Variants in CABIN1 observed in about 807,000 individuals in gnomAD.
CABIN1 encodes calcineurin-binding protein cabin-1.
In CABIN1, 133 loss-of-function variants were observed where a neutral mutation model predicts 227.7. The observed-to-expected ratio is 0.58, with a 90% CI of 0.51 to 0.67. The LOEUF is 0.67. CABIN1 is among the 30% of genes least tolerant of loss of function. The probability of loss-of-function intolerance (pLI) is 0.00; values close to 1 mark genes in which losing one functional copy is unlikely to be tolerated. For missense variants in CABIN1, 2,408 were observed against 2,852.5 expected, an observed-to-expected ratio of 0.84 and a Z score of 3.55; for synonymous variants, 1,086 against 1,155.1, an observed-to-expected ratio of 0.94 and a Z score of 1.21.
At chr22:24,068,059 G>A (rs2039819459) in intron 16 of CABIN1, among the ~76,000 whole-genome samples, 1 of 152,168 alleles carries the variant, frequency 6.6e-6, no homozygotes, top group South Asian at 2.1e-4. Flanking sequence ...CTTCTCCCAG[G>A]CTTTTTGCAC....
At chr22:24,132,062 CAAA>C (rs34365542) in intron 28 of CABIN1, among the ~76,000 whole-genome samples, 6 of 114,754 alleles carry the variant, frequency 5.2e-5, no homozygotes, top group Admixed American at 9.0e-5. Flanking sequence ...ACTCTGTCTC[CAAA>C]AAAAAAAAAA....
At chr22:24,083,934 C>T (rs2040975554) in intron 20 of CABIN1, among the ~76,000 whole-genome samples, 1 of 152,202 alleles carries the variant, frequency 6.6e-6, no homozygotes, top group Admixed American at 6.5e-5. Context: ...CTCCTCAGTA[C>T]TGTCAGTTAT....
At chr22:24,145,029 G>A (rs1261426491) in intron 29 of CABIN1, among the ~76,000 whole-genome samples, 1 of 152,250 alleles carries the variant, frequency 6.6e-6, no homozygotes, top group East Asian at 1.9e-4. Context: ...ACAGAACAGG[G>A]CCAGGCTTCT....
At chr22:24,176,013 C>A in intron 34 of CABIN1, 98 bp from the exon 35 acceptor site, 1 of 1,403,792 alleles carries the variant, frequency 7.1e-7, no homozygotes, top group East Asian at 2.5e-5. Flanking sequence ...TGCCCAGTGT[C>A]CCAGGGCACA....
chr22:24,064,518 T>TTG lies in CABIN1; in HGVS notation c.2037+332_2037+333insGT, dbSNP rs1555924910. ...CACTGTGCCCAGCTGAAAGGTTTTT[T>TTG]TTTTTTTTTTTTTTTTTATTGATCA... On this transcript the variant is annotated intron_variant, in intron 15 of 36. Transcript: ENST00000263119. Among the ~76,000 whole-genome samples, 676 of 148,318 alleles carry TTG rather than the reference T, an allele frequency of 4.6e-3. 4 individuals carry two copies. The highest frequency in any genetic ancestry group is 0.016 in the African/African-American group (632 of 39,496).
chr22:24,151,675 C>T (rs1300409325), intron 29 of CABIN1, among the ~76,000 whole-genome samples: 2 of 152,144 alleles, frequency 1.3e-5, no homozygotes, highest in Non-Finnish European at 2.9e-5. Flanking sequence ...CAGGCCTCAG[C>T]TCACACCAAG....
intron 26 of CABIN1, among the ~76,000 whole-genome samples, chr22:24,100,386 A>T (rs1004327173): frequency 6.6e-6 from 1 of 152,256 alleles, no homozygotes; most frequent in Non-Finnish European, 1.5e-5. Context: ...CCCTTTCAGC[A>T]GCTATACTAG....
chr22:24,132,592 T>G (rs2044140559), intron 28 of CABIN1, among the ~76,000 whole-genome samples: 1 of 152,240 alleles, frequency 6.6e-6, no homozygotes, highest in South Asian at 2.1e-4. Flanking sequence ...TGCTTTGTTA[T>G]TTTTTTGTTT....
chr22:24,125,007 G>C (rs887705993), intron 28 of CABIN1, among the ~76,000 whole-genome samples: 1 of 152,170 alleles, frequency 6.6e-6, no homozygotes, highest in Non-Finnish European at 1.5e-5. Flanking sequence ...AAAAAGGGGG[G>C]AAATTCGGTC....
chr22:24,033,065 G>A (rs2036607041), intron 1 of CABIN1, among the ~76,000 whole-genome samples: 1 of 152,208 alleles, frequency 6.6e-6, no homozygotes, highest in East Asian at 1.9e-4. Context: ...GCAACAGGGA[G>A]AGACTCCGTC....
intron 1 of CABIN1, among the ~76,000 whole-genome samples, chr22:24,024,280 T>G (rs1292698370): frequency 6.6e-6 from 1 of 152,208 alleles, no homozygotes; most frequent in Non-Finnish European, 1.5e-5. Context: ...GTGCTACCTT[T>G]GCATAAAAGT....
chr22:24,054,049 G>C (rs758081883), intron 8 of CABIN1, among the ~76,000 whole-genome samples: 2 of 152,180 alleles, frequency 1.3e-5, no homozygotes, highest in Non-Finnish European at 2.9e-5. Flanking sequence ...ATGTGAGAGT[G>C]TGATTTTGTT....
At chr22:24,015,829 A>C (rs1173082221) in intron 1 of CABIN1, among the ~76,000 whole-genome samples, 1 of 151,974 alleles carries the variant, frequency 6.6e-6, no homozygotes, top group Non-Finnish European at 1.5e-5. Flanking sequence ...ATGGTGGTGC[A>C]TGCATGTAGT....
In CABIN1 at chr22:24,054,857, G is replaced by A; in HGVS notation, c.807-16G>A. The A allele has an allele frequency of 6.2e-7, 1 of 1,614,144 alleles. No homozygotes were observed. Among genetic ancestry groups the A allele is most frequent in the African/African-American group, 1.3e-5 (1 of 75,030 alleles). On this transcript the variant is annotated splice_polypyrimidine_tract_variant and intron_variant, in intron 8 of 36. Transcript: ENST00000263119. ...TGACAGGGTGGTGATCAGGTGTTGT[G>A]GCCCTCTCCCTTTAGCTGGAAGTGC...
rs763055 is a variant in CABIN1, at chr22:24,144,202, T to C, written c.4746+9787T>C. ...GCCTGCACTCTCAGCCACTATGTCGTTGGAAATTCAGAGGTCACATCTAAG... is the reference window on the plus strand; with the variant it reads ...GCCTGCACTCTCAGCCACTATGTCGCTGGAAATTCAGAGGTCACATCTAAG... On this transcript the variant is annotated intron_variant, in intron 29 of 36. Coordinates refer to ENST00000263119, the MANE Select transcript of CABIN1 (RefSeq NM_012295.4). Among the ~76,000 whole-genome samples, 966 of 152,318 alleles carry C rather than the reference T, an allele frequency of 6.3e-3. 11 individuals carry two copies. The highest frequency in any genetic ancestry group is 0.023 in the African/African-American group (938 of 41,574).
chr22:24,103,985 C>A (rs138143437), intron 26 of CABIN1, among the ~76,000 whole-genome samples: 12 of 152,184 alleles, frequency 7.9e-5, no homozygotes, highest in South Asian at 2.1e-4. Flanking sequence ...TCTAGAGAGG[C>A]CTGCAGGCCC....
Position 24,094,803 on chromosome 22 carries a change from G to C in CABIN1, c.3787-1128G>C, listed in dbSNP as rs71318949. Among the ~76,000 whole-genome samples the C allele has an allele frequency of 4.6e-3, 599 of 129,058 alleles. 5 individuals are homozygous for C. The highest frequency in any genetic ancestry group is 9.5e-3 in the Middle Eastern group (2 of 210). 84.7% of individuals were successfully genotyped at this position (129,058 alleles called of 152,430 possible). A position where few individuals can be genotyped will look rare whatever the true frequency, so the allele number is the denominator to read the frequency against. ...CTGCAGTCCGCAGTCCGGCCTGGGC[G>C]ACAGAGCGAGACTCCGTCTCAAAAA... On this transcript the variant is annotated intron_variant, in intron 24 of 36. Transcript: ENST00000263119.
intron 28 of CABIN1, among the ~76,000 whole-genome samples, chr22:24,119,990 ACTC>A (rs2043308420): frequency 2.0e-5 from 3 of 151,794 alleles, no homozygotes; most frequent in Admixed American, 6.6e-5. Context: ...AGGCTCAACT[ACTC>A]TTTCCTGTGA....
chr22:24,176,126 C>A lies in CABIN1; in HGVS notation c.6056C>A (p.Ala2019Glu). The change falls in exon 35 of 37, where the codon GCG becomes GAG. Residue 2019 changes from alanine (A) to glutamate (E), a missense_variant. Around this residue, in one of 3 missense-constraint regions of CABIN1, gnomAD observed 714 missense variants for 773.8 expected, o/e 0.92. Coordinates refer to ENST00000263119, the MANE Select transcript of CABIN1 (RefSeq NM_012295.4). ...GTCCCCACAGAGGGAGAAGAGCTGGCGAGAGTGGCAGAGGGCACCAGCTTC... is the reference window on the plus strand; with the variant it reads ...GTCCCCACAGAGGGAGAAGAGCTGGAGAGAGTGGCAGAGGGCACCAGCTTC... ...ASLGPEGEEL[A>E]RVAEGTSFPP... 6.2e-7 allele frequency: 1 copy of A among 1,610,668 alleles called. No homozygotes were observed. The highest frequency in any genetic ancestry group is 1.7e-5 in the Admixed American group (1 of 59,736).
Sources: allele counts gnomAD v4.1 joint callset (sites outside exome capture counted in the v4.1 genomes callset), GRCh38; gene constraint gnomAD v4.1.1; regional missense constraint gnomAD v4.1.1; transcripts MANE v1.5; gene names NCBI Gene and HGNC (gene_info 2026-07-23, HGNC 2026-07-21).